MGAT4C: variants seen among roughly 807,000 people sequenced by gnomAD.
MGAT4C encodes the protein alpha-1,3-mannosyl-glycoprotein 4-beta-N-acetylglucosaminyltransferase C.
A neutral mutation model predicts 40.1 loss-of-function variants in MGAT4C; 19 were observed. That is an observed-to-expected ratio of 0.47 (90% CI 0.33 to 0.70). The LOEUF is 0.70. MGAT4C is among the 30% of genes least tolerant of loss of function. MGAT4C has a pLI of 0.02. For synonymous variants in MGAT4C, 181 were observed against 187.1 expected (o/e 0.97, Z 0.27); for missense variants, 491 against 563.2 (o/e 0.87, Z 1.30).
intron 1 of MGAT4C, among the ~76,000 whole-genome samples, chr12:86,784,170 A>G (rs1390755976): frequency 1.3e-5 from 2 of 152,110 alleles, no homozygotes; most frequent in East Asian, 1.9e-4. Flanking sequence ...CTAGTACGTA[A>G]TTAGGAAGGG....
chr12:86,554,044 T>C (rs1959490045), intron 2 of MGAT4C, among the ~76,000 whole-genome samples: 1 of 152,066 alleles, frequency 6.6e-6, no homozygotes, highest in African/African-American at 2.4e-5. Context: ...CTTCCTTTTT[T>C]TTCATAGTTT....
At chr12:86,197,773 A>G (rs1219768689) in intron 1 of MGAT4C, among the ~76,000 whole-genome samples, 1 of 152,228 alleles carries the variant, frequency 6.6e-6, no homozygotes, top group Non-Finnish European at 1.5e-5. Flanking sequence ...TTTAACTCAA[A>G]AAAGTAAAAG....
intron 2 of MGAT4C, among the ~76,000 whole-genome samples, chr12:86,019,954 T>C (rs2136859340): frequency 1.3e-5 from 2 of 152,300 alleles, no homozygotes; most frequent in African/African-American, 4.8e-5. Flanking sequence ...TTTGAAGCAA[T>C]TGTGAATGGG....
intron 1 of MGAT4C, among the ~76,000 whole-genome samples, chr12:86,154,072 TTAC>T (rs1884625625): frequency 6.6e-6 from 1 of 152,184 alleles, no homozygotes; most frequent in Non-Finnish European, 1.5e-5. Context: ...CAAAACACAT[TTAC>T]CATCACAAAG....
intron 2 of MGAT4C, among the ~76,000 whole-genome samples, chr12:86,721,762 A>C: frequency 6.6e-6 from 1 of 152,130 alleles, no homozygotes; most frequent in East Asian, 1.9e-4. Context: ...CGTAAGATTG[A>C]ACAAAAAAAC....
intron 2 of MGAT4C, among the ~76,000 whole-genome samples, chr12:86,624,072 A>G (rs1962723022): frequency 6.6e-6 from 1 of 152,134 alleles, no homozygotes; most frequent in Admixed American, 6.6e-5. Flanking sequence ...GGTAAACACC[A>G]CCAGACATAT....
intron 1 of MGAT4C, among the ~76,000 whole-genome samples, chr12:86,196,590 T>C (rs1331402197): frequency 6.6e-6 from 1 of 152,208 alleles, no homozygotes; most frequent in Non-Finnish European, 1.5e-5. Context: ...ATAATGCATG[T>C]TTGAAGCCAG....
At chr12:86,573,474 A>C (rs1156627162) in intron 2 of MGAT4C, among the ~76,000 whole-genome samples, 1 of 152,046 alleles carries the variant, frequency 6.6e-6, no homozygotes, top group Non-Finnish European at 1.5e-5. Context: ...ACTCCCACAC[A>C]TTCAAAACAT....
intron 2 of MGAT4C, among the ~76,000 whole-genome samples, chr12:86,598,983 A>T (rs189171435): frequency 1.8e-4 from 28 of 152,306 alleles, no homozygotes; most frequent in African/African-American, 6.7e-4. Context: ...GGATTTATGG[A>T]TGGAGAAGAA....
chr12:86,359,383 TA>T (rs533739294), intron 3 of MGAT4C, among the ~76,000 whole-genome samples: 110 of 152,142 alleles, frequency 7.2e-4, no homozygotes, highest in African/African-American at 2.6e-3. Flanking sequence ...AGGAAAGATC[TA>T]AAATTGACAC....
intron 1 of MGAT4C, among the ~76,000 whole-genome samples, chr12:86,785,538 T>C (rs1365925801): frequency 2.0e-5 from 3 of 151,898 alleles, no homozygotes; most frequent in Admixed American, 6.6e-5. Flanking sequence ...AAAGCACAAT[T>C]TTCTGGAATA....
intron 3 of MGAT4C, among the ~76,000 whole-genome samples, chr12:86,403,245 C>G (rs757310831): frequency 5.4e-4 from 82 of 152,228 alleles, no homozygotes; most frequent in Non-Finnish European, 9.7e-4. Context: ...TTCCCATAAC[C>G]TGCCCTAGGG....
At chr12:86,720,314 G>C (rs902453102) in intron 2 of MGAT4C, among the ~76,000 whole-genome samples, 1 of 151,882 alleles carries the variant, frequency 6.6e-6, no homozygotes, top group African/African-American at 2.4e-5. Flanking sequence ...TTATAATCTA[G>C]CCTCAAAGTT....
At position 86,105,856 on chromosome 12, in the gene MGAT4C, G is replaced by A. The variant is rs76044950; in HGVS notation, c.-56-56133C>T. Among the ~76,000 whole-genome samples the A allele has an allele frequency of 5.0e-3, 766 of 152,202 alleles. 6 individuals carry two copies. The highest frequency in any genetic ancestry group is 0.017 in the African/African-American group (725 of 41,538). On this transcript the variant is annotated intron_variant, in intron 1 of 4. Transcript: ENST00000611864. The stretch of plus-strand genomic sequence containing the variant: ...AGGGTTCTGCCCCAAACAGTTAAAC[G>A]CAATATTTATTTTGTGCACTTACTT...
chr12:86,387,530 T>A (rs1243355710), intron 3 of MGAT4C, among the ~76,000 whole-genome samples: 1 of 152,150 alleles, frequency 6.6e-6, no homozygotes, highest in Admixed American at 6.5e-5. Context: ...TTACTTATAA[T>A]AAATTCATAA....
At chr12:86,394,705 C>T (rs1368976154) in intron 3 of MGAT4C, among the ~76,000 whole-genome samples, 11 of 147,798 alleles carry the variant, frequency 7.4e-5, no homozygotes, top group South Asian at 2.1e-4. Flanking sequence ...CTGCAACCTC[C>T]GCCTCTCGGG....
chr12:86,188,177 A>C (rs1160252383), intron 1 of MGAT4C, among the ~76,000 whole-genome samples: 1 of 152,082 alleles, frequency 6.6e-6, no homozygotes, highest in South Asian at 2.1e-4. Context: ...AATGATGATG[A>C]GAAATGATTA....
intron 2 of MGAT4C, among the ~76,000 whole-genome samples, chr12:86,692,663 A>C (rs983446794): frequency 2.0e-5 from 3 of 152,202 alleles, no homozygotes; most frequent in African/African-American, 7.2e-5. Context: ...AAGATTTACT[A>C]TTAAGCCACA....
intron 1 of MGAT4C, among the ~76,000 whole-genome samples, chr12:86,791,679 T>C (rs1952024970): frequency 6.6e-6 from 1 of 152,172 alleles, no homozygotes; most frequent in Non-Finnish European, 1.5e-5. Flanking sequence ...GCATCTTTGC[T>C]TCTGGACGGG....
Sources: allele counts gnomAD v4.1 joint callset (sites outside exome capture counted in the v4.1 genomes callset), GRCh38; gene constraint gnomAD v4.1.1; transcripts MANE v1.5; gene names NCBI Gene and HGNC (gene_info 2026-07-23, HGNC 2026-07-21).